ZFHX3: variants seen among roughly 807,000 people sequenced by gnomAD.
ZFHX3 encodes the protein zinc finger homeobox protein 3.
ZFHX3 carries 42 observed loss-of-function variants against 279.1 expected under a neutral mutation model. The ratio of observed to expected loss-of-function variants is 0.15; its 90% CI spans 0.12 to 0.19. ZFHX3 has a LOEUF of 0.19. Among genes scored for constraint, ZFHX3 ranks in the 10% least tolerant of loss-of-function variants. The pLI is 1.00. For missense variants in ZFHX3, 4,981 were observed against 4,754.0 expected (o/e 1.05, Z -1.40); for synonymous variants, 2,293 against 1,957.8 (o/e 1.17, Z -4.52).
intron 5 of ZFHX3, among the ~76,000 whole-genome samples, chr16:73,237,062 C>T (rs538238036): frequency 6.6e-6 from 1 of 152,300 alleles, no homozygotes; most frequent in East Asian, 1.9e-4. Context: ...ATCGGCGAGA[C>T]AGATAGTCTT....
chr16:73,396,171 C>T (rs2017125608), intron 3 of ZFHX3, among the ~76,000 whole-genome samples: 2 of 152,290 alleles, frequency 1.3e-5, no homozygotes, highest in East Asian at 1.9e-4. Flanking sequence ...AGCCTCCCGG[C>T]GGGCATCTTT....
intron 1 of ZFHX3, among the ~76,000 whole-genome samples, chr16:73,845,600 G>A (rs115475144): frequency 1.1e-3 from 172 of 151,562 alleles, no homozygotes; most frequent in African/African-American, 3.8e-3. Flanking sequence ...AATCAATTCC[G>A]AGTCAGCAGA....
At chr16:73,507,028 G>A (rs78696404) in intron 2 of ZFHX3, among the ~76,000 whole-genome samples, 2,635 of 152,100 alleles carry the variant, frequency 0.017, 78 homozygotes, top group African/African-American at 0.06. Flanking sequence ...GTCTTCCTTC[G>A]CACAACCTCC....
intron 5 of ZFHX3, among the ~76,000 whole-genome samples, chr16:73,176,109 TG>T (rs1397167699): frequency 6.6e-6 from 1 of 152,206 alleles, no homozygotes; most frequent in Non-Finnish European, 1.5e-5. Context: ...TCTGGTCTCT[TG>T]GCAATGGAAA....
In ZFHX3 at chr16:72,957,885, A is replaced by C; in HGVS notation, c.2261T>G (p.Met754Arg). 1 of 1,613,970 alleles carries C rather than the reference A, an allele frequency of 6.2e-7. No individual in the cohort carries two copies. Among genetic ancestry groups the C allele is most frequent in the Non-Finnish European group, 8.5e-7 (1 of 1,180,002 alleles). Residue 754 changes from methionine to arginine, a missense_variant, in exon 2 of 10, where the codon ATG (methionine) becomes AGG (arginine). Met to Arg is a moderately conservative substitution (Grantham distance 91, BLOSUM62 -1). Coordinates refer to ENST00000268489, the MANE Select transcript of ZFHX3 (RefSeq NM_006885.4). Reference sequence around the variant, plus strand: ...CCCCCCTCCATTCTGCAGGTTCTGCATGTTGTTGAGATGCTTGTCAGACTG... The same window carrying C: ...CCCCCCTCCATTCTGCAGGTTCTGCCTGTTGTTGAGATGCTTGTCAGACTG... ...HMQSDKHLNN[M>R]QNLQNGGGEQ...
At chr16:73,136,446 G>A (rs765893064) in intron 6 of ZFHX3, among the ~76,000 whole-genome samples, 7 of 151,896 alleles carry the variant, frequency 4.6e-5, no homozygotes, top group African/African-American at 9.7e-5. Flanking sequence ...AATGGCCAAC[G>A]GGAGCGGTGG....
At chr16:73,325,931 A>G (rs1290362630) in intron 3 of ZFHX3, among the ~76,000 whole-genome samples, 1 of 93,106 alleles carries the variant, frequency 1.1e-5, no homozygotes, top group Non-Finnish European at 2.1e-5. Flanking sequence ...ACACACAAAC[A>G]CACACACACA....
At chr16:73,890,585 T>C (rs2030502061) in intron 1 of ZFHX3, among the ~76,000 whole-genome samples, 1 of 152,202 alleles carries the variant, frequency 6.6e-6, no homozygotes, top group African/African-American at 2.4e-5. Context: ...TTTAATCTGG[T>C]CCCTTCTTTT....
chr16:73,652,234 A>G (rs1253035500), intron 2 of ZFHX3, among the ~76,000 whole-genome samples: 1 of 152,206 alleles, frequency 6.6e-6, no homozygotes, highest in Non-Finnish European at 1.5e-5. Flanking sequence ...ACATGTGGGC[A>G]GGAGCTTATG....
intron 5 of ZFHX3, among the ~76,000 whole-genome samples, chr16:73,239,296 C>A (rs562341963): frequency 1.3e-5 from 2 of 152,116 alleles, no homozygotes; most frequent in Non-Finnish European, 2.9e-5. Context: ...TTCTTTCAGG[C>A]GAGAGACAAG....
At chr16:73,702,501 C>A (rs1164833842) in intron 1 of ZFHX3, among the ~76,000 whole-genome samples, 1 of 152,146 alleles carries the variant, frequency 6.6e-6, no homozygotes, top group African/African-American at 2.4e-5. Context: ...TTCCTCGAAA[C>A]TGACATACTC....
chr16:73,373,366 G>A (rs1436098845), intron 3 of ZFHX3, among the ~76,000 whole-genome samples: 1 of 152,144 alleles, frequency 6.6e-6, no homozygotes, highest in Admixed American at 6.5e-5. Context: ...CATTGACCTA[G>A]GAGCCACGAG....
At chr16:73,877,209 G>GGT (rs1555506303) in intron 1 of ZFHX3, among the ~76,000 whole-genome samples, 4 of 141,934 alleles carry the variant, frequency 2.8e-5, no homozygotes, top group African/African-American at 1.0e-4. Flanking sequence ...GGTCGGGGGG[G>GGT]GGTCCCAGGC....
intron 1 of ZFHX3, among the ~76,000 whole-genome samples, chr16:73,035,120 A>T (rs1369981732): frequency 1.3e-5 from 2 of 152,120 alleles, no homozygotes; most frequent in African/African-American, 4.8e-5. Flanking sequence ...GATGTGCTGA[A>T]GGTATAAAAA....
chr16:73,702,083 G>T (rs1029480889), intron 1 of ZFHX3, among the ~76,000 whole-genome samples: 2 of 152,080 alleles, frequency 1.3e-5, no homozygotes, highest in African/African-American at 2.4e-5. Flanking sequence ...TCAAGGAGGT[G>T]GAGAGTGCAG....
At chr16:73,476,570 A>G (rs2018769618) in intron 2 of ZFHX3, among the ~76,000 whole-genome samples, 1 of 152,212 alleles carries the variant, frequency 6.6e-6, no homozygotes, top group South Asian at 2.1e-4. Flanking sequence ...GTAAATTTAA[A>G]CCACTACAAT....
At chr16:73,019,365 T>TGC (rs771709991) in intron 1 of ZFHX3, among the ~76,000 whole-genome samples, 5 of 144,582 alleles carry the variant, frequency 3.5e-5, no homozygotes, top group Non-Finnish European at 4.6e-5. Flanking sequence ...TGTGTGTGTG[T>TGC]GTGCGTGTGC....
At chr16:73,064,198 T>G (rs1965718984), upstream of ZFHX3, among the ~76,000 whole-genome samples, 1 of 150,244 alleles carries the variant, frequency 6.7e-6, no homozygotes, top group Non-Finnish European at 1.5e-5. Flanking sequence ...AGGTGGGGGG[T>G]GCGGTGAGAA....
chr16:73,398,830 C>T (rs2017185261), intron 3 of ZFHX3, among the ~76,000 whole-genome samples: 2 of 98,246 alleles, frequency 2.0e-5, no homozygotes, highest in South Asian at 3.1e-4. Context: ...CTCTTGCCAG[C>T]ACAAGTACAC....
Sources: gnomAD v4.1 joint callset for allele counts (sites outside exome capture counted in the v4.1 genomes callset) on GRCh38, gnomAD v4.1.1 for gene constraint, MANE v1.5 for transcripts, NCBI Gene and HGNC (gene_info 2026-07-23, HGNC 2026-07-21) for gene names.